Variants in ARHGAP22 observed in about 807,000 individuals in gnomAD.
The protein encoded by ARHGAP22 is Rho GTPase activating protein 22.
Under a neutral mutation model 59.1 loss-of-function variants are expected in ARHGAP22, and 48 were observed. That is an observed-to-expected ratio of 0.81 (90% confidence interval 0.64 to 1.03). The LOEUF (loss-of-function observed/expected upper bound fraction) is 1.03. Among genes scored for constraint, ARHGAP22 ranks in the 50% least tolerant of loss-of-function variants. The pLI, the probability that ARHGAP22 is intolerant of heterozygous loss-of-function variation, is 0.00. For synonymous variants in ARHGAP22, 445 were observed against 416.4 expected (o/e 1.07, Z -0.84); for missense variants, 1,015 against 958.7 (o/e 1.06, Z -0.78).
chr10:48,600,722 T>A (rs1156849023), intron 1 of ARHGAP22, among the ~76,000 whole-genome samples: 1 of 152,182 alleles, frequency 6.6e-6, no homozygotes, highest in Non-Finnish European at 1.5e-5. Flanking sequence ...ATTTTTAGAA[T>A]GGACTGACAA....
rs202246605 is a variant in ARHGAP22, at chr10:48,455,139, G to C, written c.660-5C>G. On this transcript the variant is annotated splice_region_variant and splice_polypyrimidine_tract_variant and intron_variant, in intron 5 of 9. Coordinates refer to ENST00000249601, the MANE Select transcript of ARHGAP22 (RefSeq NM_021226.4). Reference sequence around the variant, plus strand: ...ACCGTGTGCACGTCTGTTGTGCTGTGGGGGGGAAGAGGACAGGTGTGTGAG... The same window carrying C: ...ACCGTGTGCACGTCTGTTGTGCTGTCGGGGGGAAGAGGACAGGTGTGTGAG... 33 of 1,602,036 alleles carry C rather than the reference G, an allele frequency of 2.1e-5. No homozygotes were observed. The Admixed American group carries it at 4.0e-4, about 20-fold the overall frequency.
At chr10:48,498,852 A>C (rs1358404395) in intron 3 of ARHGAP22, among the ~76,000 whole-genome samples, 3 of 152,120 alleles carry the variant, frequency 2.0e-5, no homozygotes, top group Non-Finnish European at 4.4e-5. Flanking sequence ...TCACTCATTA[A>C]AGAAGATCTG....
the ARHGAP22 span, chr10:48,435,035 TG>T: frequency 2.2e-6 from 1 of 461,236 alleles, no homozygotes; most frequent in Non-Finnish European, 3.7e-6. Context: ...GATGACTACT[TG>T]GGCCATCGGG....
intron 4 of ARHGAP22, 32 bp from the exon 5 acceptor site, chr10:48,459,923 C>T (rs761432845): frequency 1.9e-6 from 3 of 1,597,860 alleles, no homozygotes; most frequent in African/African-American, 1.3e-5. Context: ...TCACACCCTC[C>T]ACCACCCAGC....
At chr10:48,620,278 T>TA (rs2061238481) in intron 1 of ARHGAP22, among the ~76,000 whole-genome samples, 1 of 764 alleles carries the variant, frequency 1.3e-3, no homozygotes, top group South Asian at 0.25. Flanking sequence ...TTTTTTTTTT[T>TA]AAAGTTGGAC....
At position 48,453,341 on chromosome 10, in the gene ARHGAP22, C is replaced by T; in HGVS notation, c.951G>A (p.Leu317=). The change falls in exon 8 of 10, where the codon CTG becomes CTA. Residue 317 remains leucine (L), a synonymous_variant. Transcript: ENST00000249601. The part of the protein sequence containing the change: ...NLATVFGPNI[L]RPQVEDPVTI... ...TTACTGGGTCCTCTACCTGTGGCCG[C>T]AGAATGTTAGGTCCAAAAACGGTTG... 1.2e-6 allele frequency: 2 copies of T among 1,614,034 alleles called. No homozygotes were observed. Among genetic ancestry groups the T allele is most frequent in the Non-Finnish European group, 1.7e-6 (2 of 1,179,998 alleles).
chr10:48,644,728 T>A (rs2062216843), intron 1 of ARHGAP22, among the ~76,000 whole-genome samples: 1 of 152,022 alleles, frequency 6.6e-6, no homozygotes, highest in Admixed American at 6.6e-5. Context: ...TTGAATGGAA[T>A]GAAAATGAAA....
At chr10:48,484,723 A>G (rs1234369250) in intron 3 of ARHGAP22, among the ~76,000 whole-genome samples, 1 of 152,194 alleles carries the variant, frequency 6.6e-6, no homozygotes, top group Non-Finnish European at 1.5e-5. Context: ...TGTCAGTTTC[A>G]TCTAAGTTAT....
chr10:48,631,810 T>C (rs1175049160), intron 1 of ARHGAP22, among the ~76,000 whole-genome samples: 6 of 152,240 alleles, frequency 3.9e-5, no homozygotes, highest in Admixed American at 3.9e-4. Flanking sequence ...TTTACTTTCA[T>C]TTATTCCTTC....
At chr10:48,588,385 T>C (rs1230697667) in intron 1 of ARHGAP22, among the ~76,000 whole-genome samples, 15 of 152,222 alleles carry the variant, frequency 9.9e-5, no homozygotes, top group Admixed American at 6.5e-5. Context: ...CACACACATA[T>C]TAGGCTGATG....
intron 1 of ARHGAP22, among the ~76,000 whole-genome samples, chr10:48,597,406 CTG>C (rs1311607203): frequency 2.6e-5 from 4 of 152,074 alleles, no homozygotes; most frequent in Non-Finnish European, 5.9e-5. Context: ...AAAAGTGAAA[CTG>C]TAGCTTAGCA....
At chr10:48,549,769 C>G (rs117406141) in intron 3 of ARHGAP22, among the ~76,000 whole-genome samples, 1 of 152,172 alleles carries the variant, frequency 6.6e-6, no homozygotes, top group Non-Finnish European at 1.5e-5. Context: ...TCACTCAGTC[C>G]GCTTGTGAGG....
At chr10:48,451,170 T>G in intron 8 of ARHGAP22, 30 bp from the exon 9 acceptor site, 1 of 1,550,440 alleles carries the variant, frequency 6.4e-7, no homozygotes, top group Non-Finnish European at 8.7e-7. Context: ...AGAAGGGCCT[T>G]GCTGCCAGCC....
At chr10:48,589,483 T>C (rs535570480) in intron 1 of ARHGAP22, among the ~76,000 whole-genome samples, 2 of 152,290 alleles carry the variant, frequency 1.3e-5, no homozygotes, top group South Asian at 2.1e-4. Context: ...TCAAACCATC[T>C]GCAGGACACT....
At chr10:48,560,046 T>G (rs2057583339) in intron 2 of ARHGAP22, among the ~76,000 whole-genome samples, 1 of 152,188 alleles carries the variant, frequency 6.6e-6, no homozygotes, top group South Asian at 2.1e-4. Flanking sequence ...AACATGTGAA[T>G]ATGTTATGCT....
chr10:48,445,177 A>C (rs1185760989), downstream of ARHGAP22: 1 of 152,324 alleles, frequency 6.6e-6, no homozygotes, highest in African/African-American at 2.4e-5. Flanking sequence ...CATTTAAAGC[A>C]TCAGATGTGG....
At chr10:48,465,250 C>T (rs1162950817) in intron 4 of ARHGAP22, among the ~76,000 whole-genome samples, 1 of 152,234 alleles carries the variant, frequency 6.6e-6, no homozygotes, top group Non-Finnish European at 1.5e-5. Context: ...TCTGCCACCG[C>T]AGGGGAAACT....
At chr10:48,541,082 A>G (rs563141022) in intron 3 of ARHGAP22, among the ~76,000 whole-genome samples, 1 of 152,210 alleles carries the variant, frequency 6.6e-6, no homozygotes, top group East Asian at 2.0e-4. Flanking sequence ...TATTTCCACC[A>G]AGCTCCCAGG....
upstream of ARHGAP22, among the ~76,000 whole-genome samples, chr10:48,653,532 A>C (rs2377616): frequency 0.66 from 100,290 of 152,238 alleles, 33,251 homozygotes; most frequent in Admixed American, 0.68. Flanking sequence ...ACGGGGCCAA[A>C]CTGAGCCTCT....
Sources: gnomAD v4.1 joint callset for allele counts (sites outside exome capture counted in the v4.1 genomes callset) on GRCh38, gnomAD v4.1.1 for gene constraint, MANE v1.5 for transcripts, NCBI Gene and HGNC (gene_info 2026-07-23, HGNC 2026-07-21) for gene names.